NCKAP1L: variants seen among roughly 807,000 people sequenced by gnomAD.
NCKAP1L encodes the protein nck-associated protein 1-like.
In NCKAP1L, 53 loss-of-function variants were observed where a neutral mutation model predicts 139.2. The observed-to-expected ratio is 0.38, with a 90% confidence interval of 0.31 to 0.48. NCKAP1L has a LOEUF of 0.48. Among genes scored for constraint, NCKAP1L ranks in the 20% least tolerant of loss-of-function variants. The pLI is 0.98. For missense variants in NCKAP1L, 1,151 were observed against 1,381.9 expected (o/e 0.83, Z 2.65); for synonymous variants, 468 against 499.7 (o/e 0.94, Z 0.85).
intron 7 of NCKAP1L, 105 bp from the exon 8 acceptor site, chr12:54,511,698 C>A (rs1238263550): frequency 3.2e-6 from 4 of 1,266,838 alleles, no homozygotes; most frequent in African/African-American, 3.0e-5. Context: ...TTAGCCACCA[C>A]CCCTTGCCAA....
chr12:54,536,389 G>T lies in NCKAP1L; in HGVS notation c.3073+144G>T, dbSNP rs748953364. On this transcript the variant is annotated intron_variant, in intron 28 of 30. Coordinates refer to ENST00000293373, the MANE Select transcript of NCKAP1L (RefSeq NM_005337.5). ...AAAAAGCACTTGAAGGCTGGACACC[G>T]TGGCTCATGCCTGTAATCCTAGCAC... The T allele has an allele frequency of 2.0e-4, 126 of 616,216 alleles. 1 individual carries two copies. The highest frequency in any genetic ancestry group is 4.2e-4 in the South Asian group (23 of 55,278). The allele number at this position is 616,216 out of a possible 1,614,324, so 38.2% of individuals were successfully genotyped here. A position where few individuals can be genotyped will look rare whatever the true frequency, so the allele number is the denominator to read the frequency against.
Position 54,512,044 on chromosome 12 carries a change from A to T in NCKAP1L, c.880A>T (p.Ile294Phe). Reference protein sequence around the residue: ...CLQGSLYITLIREDVLQVHKV... With the variant: ...CLQGSLYITLFREDVLQVHKV... The stretch of plus-strand genomic sequence containing the variant: ...GCAGGGCTCCCTCTACATCACCCTT[A>T]TCCGTGAGGATGTGCTGCAGGTGCA... Residue 294 changes from isoleucine (I) to phenylalanine (F), a missense_variant, in exon 9 of 31, where the codon ATC (isoleucine) becomes TTC (phenylalanine). Ile to Phe is a conservative substitution (Grantham distance 21, BLOSUM62 0). Coordinates refer to ENST00000293373, the MANE Select transcript of NCKAP1L (RefSeq NM_005337.5). 1 of 1,614,160 alleles carries T rather than the reference A, an allele frequency of 6.2e-7. No homozygotes were observed. The highest frequency in any genetic ancestry group is 8.5e-7 in the Non-Finnish European group (1 of 1,180,018).
At chr12:54,508,566 C>A in intron 5 of NCKAP1L, 35 bp downstream of exon 5, 1 of 1,608,442 alleles carries the variant, frequency 6.2e-7, no homozygotes, top group South Asian at 1.1e-5. Context: ...TGAAGAGTCT[C>A]ATACATGGTG....
At position 54,512,786 on chromosome 12, in the gene NCKAP1L, G is replaced by GTA. The variant is rs1403566953; in HGVS notation, c.941+682_941+683insAT. Among the ~76,000 whole-genome samples, 859 of 145,698 alleles carry GTA rather than the reference G, an allele frequency of 5.9e-3. 11 individuals are homozygous for GTA. Among genetic ancestry groups the GTA allele is most frequent in the African/African-American group, 0.021 (812 of 37,846 alleles). The stretch of plus-strand genomic sequence containing the variant: ...TGTATGTGTGTGTGTGTGTGTGTGT[G>GTA]TGTGTATGTGTGAGTAATTGTGTGT... On this transcript the variant is annotated intron_variant, in intron 9 of 30. Transcript: ENST00000293373.
At position 54,516,776 on chromosome 12, in the gene NCKAP1L, G is replaced by A. The variant is rs141251793; in HGVS notation, c.999-120G>A. 117 of 837,182 alleles carry A rather than the reference G, an allele frequency of 1.4e-4. No homozygotes were observed. The East Asian group carries it at 3.2e-3, about 23-fold the overall frequency. The allele number at this position is 837,182 out of a possible 1,614,324, so 51.9% of individuals were successfully genotyped here. A position where few individuals can be genotyped will look rare whatever the true frequency, so the allele number is the denominator to read the frequency against. On this transcript the variant is annotated intron_variant, in intron 10 of 30. Transcript: ENST00000293373. ...TTCTTTTTTAAACCAAGTCTAACTTGAGCATTGAACCTTCCTTCTGCCTGA... is the reference window on the plus strand; with the variant it reads ...TTCTTTTTTAAACCAAGTCTAACTTAAGCATTGAACCTTCCTTCTGCCTGA...
intron 30 of NCKAP1L, among the ~76,000 whole-genome samples, chr12:54,539,221 G>A (rs1308975389): frequency 1.3e-5 from 2 of 152,232 alleles, no homozygotes; most frequent in African/African-American, 4.8e-5. Context: ...AAGCTGGCTG[G>A]GCCCATGTCC....
intron 30 of NCKAP1L, among the ~76,000 whole-genome samples, chr12:54,540,805 A>G (rs1410430978): frequency 6.6e-6 from 1 of 152,206 alleles, no homozygotes; most frequent in Non-Finnish European, 1.5e-5. Flanking sequence ...CAAAATGTGG[A>G]AAGTGTTTGC....
At chr12:54,540,605 A>C (rs534784762) in intron 30 of NCKAP1L, among the ~76,000 whole-genome samples, 12 of 152,230 alleles carry the variant, frequency 7.9e-5, no homozygotes, top group Non-Finnish European at 1.8e-4. Flanking sequence ...TTATGCGTGA[A>C]AGTGCCTAGT....
rs191501373 is a variant in NCKAP1L, at chr12:54,528,427, A to G, written c.2506+50A>G. On this transcript the variant is annotated intron_variant, in intron 22 of 30. Coordinates refer to ENST00000293373, the MANE Select transcript of NCKAP1L (RefSeq NM_005337.5). ...GTCAAGGAGCTGAGCCCTTCCTTCA[A>G]TGCACAGAGAATAAAAGACTAGGAC... The G allele has an allele frequency of 3.8e-6, 6 of 1,589,612 alleles. No individual in the cohort carries two copies. In the African/African-American group the frequency reaches 8.1e-5, roughly 22 times the overall value.
intron 13 of NCKAP1L, 127 bp from the exon 14 acceptor site, chr12:54,518,524 C>CT (rs1399699845): frequency 7.5e-6 from 6 of 804,274 alleles, no homozygotes; most frequent in Admixed American, 1.9e-5. Flanking sequence ...TCTTGCTTGG[C>CT]TTTTTCTCTC....
intron 28 of NCKAP1L, 195 bp downstream of exon 28, chr12:54,536,440 A>G: frequency 4.2e-6 from 2 of 478,516 alleles, no homozygotes; most frequent in Non-Finnish European, 3.8e-6. Context: ...TGAGGTGGGT[A>G]GATCACTTGA....
rs991377942 is a variant in NCKAP1L, at chr12:54,516,253, T to C, written c.956T>C (p.Val319Ala). Residue 319 changes from valine to alanine, a missense_variant, in exon 10 of 31, where the codon GTG (valine) becomes GCG (alanine). Val to Ala is a moderately conservative substitution (Grantham distance 64, BLOSUM62 0). Transcript: ENST00000293373. ...FSSLKGYGKR[V>A]ADIKESKEHV... is the part of the protein sequence containing the mutation. ...TCAATCCTCAGGTATGGCAAGAGAG[T>C]GGCAGACATAAAGGAGAGCAAGGAA... The C allele has an allele frequency of 1.2e-6, 2 of 1,613,604 alleles. No homozygotes were observed. The highest frequency in any genetic ancestry group is 2.7e-5 in the African/African-American group (2 of 74,818).
At chr12:54,533,604 C>G (rs145399873) in intron 26 of NCKAP1L, among the ~76,000 whole-genome samples, 7 of 151,816 alleles carry the variant, frequency 4.6e-5, no homozygotes, top group Non-Finnish European at 8.8e-5. Context: ...GACAGAGTCT[C>G]GCTGTGTTGC....
At chr12:54,521,294 C>T in intron 18 of NCKAP1L, 56 bp downstream of exon 18, 1 of 1,598,268 alleles carries the variant, frequency 6.3e-7, no homozygotes, top group Non-Finnish European at 8.6e-7. Context: ...AGTGCCTTCC[C>T]CTCTATCTAA....
chr12:54,508,077 G>A (rs1956857508), intron 4 of NCKAP1L, among the ~76,000 whole-genome samples, 168 bp downstream of exon 4: 1 of 152,136 alleles, frequency 6.6e-6, no homozygotes, highest in South Asian at 2.1e-4. Context: ...AAGTGCTGAA[G>A]TGAAAATATA....
intron 30 of NCKAP1L, among the ~76,000 whole-genome samples, chr12:54,540,214 A>C (rs1957146148): frequency 6.6e-6 from 1 of 152,262 alleles, no homozygotes; most frequent in Non-Finnish European, 1.5e-5. Context: ...TCCGAGGCCC[A>C]GAAATGCTAG....
chr12:54,532,087 C>CTTTTTTT, intron 25 of NCKAP1L, 83 bp from the exon 26 acceptor site: 1 of 878,590 alleles, frequency 1.1e-6, no homozygotes. Context: ...AGTGCCCCTC[C>CTTTTTTT]TTTTTTTTTT....
chr12:54,502,727 C>T (rs1300928250), intron 3 of NCKAP1L, among the ~76,000 whole-genome samples: 1 of 144,812 alleles, frequency 6.9e-6, no homozygotes, highest in Non-Finnish European at 1.5e-5. Flanking sequence ...TGGCTCACGC[C>T]TGTAATCCCA....
At position 54,542,815 on chromosome 12, in the gene NCKAP1L, G is replaced by T; in HGVS notation, c.*130G>T. ...TAAGGAGAGAGGGTCAGGAGCCAGAGTTGATGAGCAGATCTGTGGAAGAAC... is the reference window on the plus strand; with the variant it reads ...TAAGGAGAGAGGGTCAGGAGCCAGATTTGATGAGCAGATCTGTGGAAGAAC... On this transcript the variant is annotated 3_prime_UTR_variant, in exon 31 of 31. Coordinates refer to ENST00000293373, the MANE Select transcript of NCKAP1L (RefSeq NM_005337.5). 1 of 644,258 alleles carries T rather than the reference G, an allele frequency of 1.6e-6. No homozygotes were observed. Among genetic ancestry groups the T allele is most frequent in the Non-Finnish European group, 2.8e-6 (1 of 362,214 alleles). The allele number at this position is 644,258 out of a possible 1,614,324, so 39.9% of individuals were successfully genotyped here.
Sources: gnomAD v4.1 joint callset for allele counts (sites outside exome capture counted in the v4.1 genomes callset) on GRCh38, gnomAD v4.1.1 for gene constraint, MANE v1.5 for transcripts, NCBI Gene and HGNC (gene_info 2026-07-23, HGNC 2026-07-21) for gene names.